The following PDE3A variants were observed in gnomAD, a reference collection of about 807,000 sequenced individuals.
PDE3A encodes the protein cGMP-inhibited 3',5'-cyclic phosphodiesterase 3A.
PDE3A carries 43 observed loss-of-function variants against 98.3 expected under a neutral mutation model. The ratio of observed to expected loss-of-function variants is 0.44; its 90% CI spans 0.34 to 0.56. PDE3A has a LOEUF of 0.56. PDE3A is among the 20% of genes least tolerant of loss of function. The pLI is 0.01. For synonymous variants in PDE3A, 663 were observed against 567.9 expected (o/e 1.17, Z -2.38); for missense variants, 1,427 against 1,440.7 (o/e 0.99, Z 0.15).
chr12:20,629,286 G>T (rs915252098), intron 5 of PDE3A, among the ~76,000 whole-genome samples: 2 of 152,140 alleles, frequency 1.3e-5, no homozygotes, highest in Non-Finnish European at 2.9e-5. Context: ...TAGGTCTATT[G>T]TTTGCTCTGA....
intron 1 of PDE3A, among the ~76,000 whole-genome samples, chr12:20,468,484 G>A (rs1945381752): frequency 6.6e-6 from 1 of 152,168 alleles, no homozygotes; most frequent in African/African-American, 2.4e-5. Context: ...GTCTGGCATG[G>A]CATTAGAAAT....
chr12:20,615,269 C>T (rs991323663), intron 3 of PDE3A, among the ~76,000 whole-genome samples: 3 of 152,092 alleles, frequency 2.0e-5, no homozygotes, highest in African/African-American at 7.2e-5. Flanking sequence ...ATCCCAGACT[C>T]TTGTCTCAGT....
intron 1 of PDE3A, among the ~76,000 whole-genome samples, chr12:20,477,910 C>T (rs1945557112): frequency 6.6e-6 from 1 of 152,158 alleles, no homozygotes; most frequent in Non-Finnish European, 1.5e-5. Flanking sequence ...TTGCCTTTCT[C>T]CTTGTCACCA....
intron 1 of PDE3A, among the ~76,000 whole-genome samples, chr12:20,442,322 A>C (rs1349519303): frequency 6.6e-6 from 1 of 152,206 alleles, no homozygotes; most frequent in Non-Finnish European, 1.5e-5. Flanking sequence ...CAAATATTGT[A>C]ATGGCTTACA....
intron 1 of PDE3A, among the ~76,000 whole-genome samples, chr12:20,410,399 C>G (rs1209235177): frequency 6.6e-6 from 1 of 152,180 alleles, no homozygotes; most frequent in East Asian, 1.9e-4. Context: ...AGTCAATTCA[C>G]AGAGAAAATG....
intron 1 of PDE3A, among the ~76,000 whole-genome samples, chr12:20,388,452 C>T (rs1752990573): frequency 1.3e-5 from 2 of 151,906 alleles, no homozygotes; most frequent in Admixed American, 6.6e-5. Flanking sequence ...TTTACCAAGG[C>T]TTTTTGGTGT....
intron 2 of PDE3A, among the ~76,000 whole-genome samples, chr12:20,580,219 G>C (rs771828079): frequency 2.0e-5 from 3 of 152,242 alleles, no homozygotes; most frequent in Middle Eastern, 3.4e-3. Context: ...TCATGACTTG[G>C]GGGTAGAGAA....
chr12:20,515,515 C>G (rs1041421036), intron 1 of PDE3A, among the ~76,000 whole-genome samples: 18 of 152,006 alleles, frequency 1.2e-4, no homozygotes, highest in Non-Finnish European at 1.5e-5. Context: ...TGTTAGATAA[C>G]CACAGATTGG....
At position 20,506,804 on chromosome 12, in the gene PDE3A, T is replaced by G. The variant is rs888149550; in HGVS notation, c.961-49856T>G. Reference sequence around the variant, plus strand: ...TTTTTGAAAAATTATGGCATCAAGTTAATTCATTATTTTTATGTAATGTTT... The same window carrying G: ...TTTTTGAAAAATTATGGCATCAAGTGAATTCATTATTTTTATGTAATGTTT... On this transcript the variant is annotated intron_variant, in intron 1 of 15. Transcript: ENST00000359062. Among the ~76,000 whole-genome samples the G allele has an allele frequency of 1.3e-4, 20 of 152,186 alleles. No homozygotes were observed. In the East Asian group the frequency reaches 3.9e-3, roughly 29 times the overall value.
chr12:20,542,396 A>G (rs976180551), intron 1 of PDE3A, among the ~76,000 whole-genome samples: 15 of 151,760 alleles, frequency 9.9e-5, no homozygotes, highest in Non-Finnish European at 1.5e-5. Context: ...AGTAGAGAAT[A>G]TTCCTTTGAG....
chr12:20,456,896 G>A (rs529249382), intron 1 of PDE3A, among the ~76,000 whole-genome samples: 4 of 152,202 alleles, frequency 2.6e-5, no homozygotes, highest in Admixed American at 2.6e-4. Flanking sequence ...TGAGAATAAC[G>A]GTTCTCTCTC....
chr12:20,579,517 C>T (rs1943016841), intron 2 of PDE3A, among the ~76,000 whole-genome samples: 1 of 152,138 alleles, frequency 6.6e-6, no homozygotes, highest in Non-Finnish European at 1.5e-5. Flanking sequence ...TGTCCATTCT[C>T]TCTGGTAGAG....
chr12:20,644,103 GAGA>G lies in PDE3A; in HGVS notation c.2252-2383_2252-2381del, dbSNP rs1172875812. Among the ~76,000 whole-genome samples, 60 of 100,280 alleles carry G rather than the reference GAGA, an allele frequency of 6.0e-4. 1 individual carries two copies. In the South Asian group the frequency reaches 0.011, roughly 18 times the overall value. The allele number at this position is 100,280 out of a possible 152,430, so 65.8% of individuals were successfully genotyped here. A position where few individuals can be genotyped will look rare whatever the true frequency, so the allele number is the denominator to read the frequency against. ...TAGTAATCTTCCCAGCTTGCAACAG[GAGA>G]AGATAATTTAAGAAGCTGGCTTCCA... is the stretch of plus-strand genomic sequence containing the variant. On this transcript the variant is annotated intron_variant, in intron 10 of 15. Coordinates refer to ENST00000359062, the MANE Select transcript of PDE3A (RefSeq NM_000921.5).
At position 20,559,157 on chromosome 12, in the gene PDE3A, A is replaced by G. The variant is rs184731475; in HGVS notation, c.1011+2447A>G. On this transcript the variant is annotated intron_variant, in intron 2 of 15. Coordinates refer to ENST00000359062, the MANE Select transcript of PDE3A (RefSeq NM_000921.5). ...AAAATTATAATACCATGTTTTCAGT[A>G]TGCCTTTTCTATGTTTAGATACACA... 2.0e-3 allele frequency among the ~76,000 whole-genome samples: 299 copies of G among 152,256 alleles called. 2 individuals are homozygous for G. The highest frequency in any genetic ancestry group is 3.7e-3 in the Admixed American group (56 of 15,290).
chr12:20,605,229 C>CAA (rs1210227886), intron 2 of PDE3A, among the ~76,000 whole-genome samples: 1 of 152,116 alleles, frequency 6.6e-6, no homozygotes, highest in Non-Finnish European at 1.5e-5. Flanking sequence ...TGACACTAGG[C>CAA]AAATGCGTAA....
chr12:20,566,678 A>G (rs1000855979), intron 2 of PDE3A, among the ~76,000 whole-genome samples: 1 of 151,926 alleles, frequency 6.6e-6, no homozygotes, highest in Non-Finnish European at 1.5e-5. Flanking sequence ...GGAGCAGAGG[A>G]GAGGAAAGAA....
chr12:20,444,705 T>C (rs1944926064), intron 1 of PDE3A, among the ~76,000 whole-genome samples: 1 of 152,184 alleles, frequency 6.6e-6, no homozygotes, highest in African/African-American at 2.4e-5. Flanking sequence ...GTCAGCCCTT[T>C]ATAGGTCAGG....
At chr12:20,386,490 T>G (rs1943808753) in intron 1 of PDE3A, among the ~76,000 whole-genome samples, 1 of 151,224 alleles carries the variant, frequency 6.6e-6, no homozygotes. Flanking sequence ...GGGTTGTTTG[T>G]TTTTTTCTTT....
chr12:20,399,749 C>T (rs1340289052), intron 1 of PDE3A, among the ~76,000 whole-genome samples: 1 of 152,002 alleles, frequency 6.6e-6, no homozygotes, highest in Non-Finnish European at 1.5e-5. Context: ...AACTATTATC[C>T]AAGGAGGAGA....
Sources: allele counts gnomAD v4.1 joint callset (sites outside exome capture counted in the v4.1 genomes callset), GRCh38; gene constraint gnomAD v4.1.1; transcripts MANE v1.5; gene names NCBI Gene and HGNC (gene_info 2026-07-23, HGNC 2026-07-21).